The following RNLS variants were observed in gnomAD, a reference collection of about 807,000 sequenced individuals.
RNLS encodes renalase, FAD dependent amine oxidase, also known as renalase.
In RNLS, 39 loss-of-function variants were observed where a neutral mutation model predicts 39.8. The ratio of observed to expected loss-of-function variants is 0.98; its 90% confidence interval spans 0.76 to 1.28. RNLS has a LOEUF of 1.28. Ranked by LOEUF, RNLS falls within the 50% of genes most tolerant of loss-of-function variation. The pLI, the probability that RNLS is intolerant of heterozygous loss-of-function variation, is 0.00. For synonymous variants in RNLS, 147 were observed against 150.7 expected, an observed-to-expected ratio of 0.98 and a Z score of 0.18; for missense variants, 410 against 413.3, an observed-to-expected ratio of 0.99 and a Z score of 0.07.
the RNLS span, among the ~76,000 whole-genome samples, chr10:88,184,299 A>T: frequency 8.6e-5 from 13 of 152,044 alleles, no homozygotes; most frequent in South Asian, 1.4e-3. Context: ...GGCCTTGATC[A>T]CTCACTCCCT....
chr10:88,443,639 C>G (rs192811812), intron 4 of RNLS, among the ~76,000 whole-genome samples: 5 of 152,348 alleles, frequency 3.3e-5, no homozygotes, highest in East Asian at 1.9e-4. Context: ...TTCCAATGGT[C>G]TTAGCAAATG....
At chr10:88,504,842 A>T (rs1418614277) in intron 4 of RNLS, among the ~76,000 whole-genome samples, 3 of 106,768 alleles carry the variant, frequency 2.8e-5, no homozygotes, top group South Asian at 3.2e-4. Flanking sequence ...AGAGAGAGAC[A>T]GAGTGTGTGT....
intron 4 of RNLS, among the ~76,000 whole-genome samples, chr10:88,421,372 G>A (rs1394324867): frequency 2.6e-5 from 4 of 152,132 alleles, no homozygotes; most frequent in African/African-American, 7.2e-5. Context: ...ACTAGCAAAC[G>A]CTAACAATTA....
At chr10:88,349,307 G>C (rs185092153) in intron 5 of RNLS, among the ~76,000 whole-genome samples, 2 of 152,280 alleles carry the variant, frequency 1.3e-5, no homozygotes, top group African/African-American at 4.8e-5. Context: ...TTGCAAGTGA[G>C]AGGGCAAATG....
the RNLS span, among the ~76,000 whole-genome samples, chr10:88,215,370 C>G: frequency 8.5e-5 from 13 of 152,058 alleles, no homozygotes; most frequent in African/African-American, 3.1e-4. Flanking sequence ...GTTTATATAA[C>G]TAGTAAATAA....
chr10:88,569,269 A>G (rs1849692461), intron 4 of RNLS, among the ~76,000 whole-genome samples: 1 of 152,152 alleles, frequency 6.6e-6, no homozygotes, highest in Non-Finnish European at 1.5e-5. Flanking sequence ...GATGTTTTAG[A>G]TATTTAAGGT....
chr10:88,525,295 T>C (rs1847045988), intron 4 of RNLS, among the ~76,000 whole-genome samples: 1 of 151,924 alleles, frequency 6.6e-6, no homozygotes, highest in South Asian at 2.1e-4. Flanking sequence ...ATAAACTTTC[T>C]TCATATTTAT....
chr10:88,172,304 G>A, the RNLS span, among the ~76,000 whole-genome samples: 1 of 152,136 alleles, frequency 6.6e-6, no homozygotes. Flanking sequence ...ATGTGTAAGA[G>A]TTTTCTTTTC....
At chr10:88,440,227 C>G (rs1841634479) in intron 4 of RNLS, among the ~76,000 whole-genome samples, 1 of 152,150 alleles carries the variant, frequency 6.6e-6, no homozygotes, top group Non-Finnish European at 1.5e-5. Context: ...TAACAAGCAC[C>G]TCCATGGATA....
the RNLS span, among the ~76,000 whole-genome samples, chr10:88,183,654 T>C: frequency 2.6e-5 from 4 of 152,178 alleles, no homozygotes; most frequent in Non-Finnish European, 4.4e-5. Context: ...TTAAAGTAGT[T>C]TTTATTCATC....
intron 4 of RNLS, among the ~76,000 whole-genome samples, chr10:88,488,839 T>C (rs1466029609): frequency 6.6e-6 from 1 of 152,202 alleles, no homozygotes; most frequent in African/African-American, 2.4e-5. Context: ...TGGGTCATAG[T>C]TGCGAATGGC....
chr10:88,568,091 T>G (rs1849616244), intron 4 of RNLS, among the ~76,000 whole-genome samples: 1 of 152,162 alleles, frequency 6.6e-6, no homozygotes, highest in Non-Finnish European at 1.5e-5. Flanking sequence ...CAGTGAGCCA[T>G]GATGAAAGCA....
At chr10:88,525,591 A>G (rs1369521643) in intron 4 of RNLS, among the ~76,000 whole-genome samples, 3 of 152,112 alleles carry the variant, frequency 2.0e-5, no homozygotes, top group African/African-American at 7.2e-5. Flanking sequence ...CTGGTATTCA[A>G]ACTAATCCTG....
the RNLS span, among the ~76,000 whole-genome samples, chr10:88,226,891 A>G: frequency 6.6e-6 from 1 of 152,078 alleles, no homozygotes; most frequent in Admixed American, 6.5e-5. Flanking sequence ...CTAAGAGATG[A>G]ACATGTGAAA....
chr10:88,360,425 G>GTAT (rs1849546245), intron 5 of RNLS, among the ~76,000 whole-genome samples: 1 of 152,034 alleles, frequency 6.6e-6, no homozygotes, highest in South Asian at 2.1e-4. Flanking sequence ...TCCTTGATTA[G>GTAT]TATTATTATT....
chr10:88,290,963 GT>G (rs1171750026), intron 6 of RNLS, among the ~76,000 whole-genome samples: 1 of 152,104 alleles, frequency 6.6e-6, no homozygotes, highest in Non-Finnish European at 1.5e-5. Context: ...TCCTCAAATT[GT>G]TCTTAAGTAA....
chr10:88,239,630 A>G, the RNLS span, among the ~76,000 whole-genome samples: 41 of 152,338 alleles, frequency 2.7e-4, no homozygotes, highest in Non-Finnish European at 3.4e-4. Flanking sequence ...GGATATTACC[A>G]CTTTGGTAGT....
intron 4 of RNLS, among the ~76,000 whole-genome samples, chr10:88,476,604 C>A (rs1371990397): frequency 1.3e-5 from 2 of 152,114 alleles, no homozygotes; most frequent in African/African-American, 4.8e-5. Flanking sequence ...GCACTTTATA[C>A]ACAAACAATC....
chr10:88,349,363 A>G (rs1343146847), intron 5 of RNLS, among the ~76,000 whole-genome samples: 1 of 152,180 alleles, frequency 6.6e-6, no homozygotes, highest in Non-Finnish European at 1.5e-5. Context: ...CTTGACAGGG[A>G]AACTAGAGGC....
Sources: allele counts gnomAD v4.1 joint callset (sites outside exome capture counted in the v4.1 genomes callset), GRCh38; gene constraint gnomAD v4.1.1; transcripts MANE v1.5; gene names NCBI Gene and HGNC (gene_info 2026-07-23, HGNC 2026-07-21).